ARAP2: variants seen among roughly 807,000 people sequenced by gnomAD.
The protein encoded by ARAP2 is ArfGAP with RhoGAP domain, ankyrin repeat and PH domain 2.
Under a neutral mutation model 194.5 loss-of-function variants are expected in ARAP2, and 148 were observed. That is an observed-to-expected ratio of 0.76 (90% CI 0.67 to 0.87). ARAP2 has a LOEUF of 0.87. Among genes scored for constraint, ARAP2 ranks in the 40% least tolerant of loss-of-function variants. The pLI is 0.00. For missense variants in ARAP2, 2,128 were observed against 1,989.7 expected (o/e 1.07, Z -1.32); for synonymous variants, 695 against 683.5 (o/e 1.02, Z -0.26).
intron 6 of ARAP2, among the ~76,000 whole-genome samples, chr4:36,205,601 G>GA (rs34235282): frequency 1.2e-4 from 18 of 148,520 alleles, no homozygotes; most frequent in African/African-American, 3.0e-4. Context: ...ATGGTGTCCT[G>GA]AAAAAAAAAA....
chr4:36,083,317 CA>C (rs1730044715), intron 29 of ARAP2, 50 bp downstream of exon 29: 1 of 1,292,696 alleles, frequency 7.7e-7, no homozygotes. Flanking sequence ...CTTAAATAGA[CA>C]TATTTTTCCC....
At chr4:36,111,167 T>G (rs1448109824) in intron 26 of ARAP2, among the ~76,000 whole-genome samples, 3 of 151,952 alleles carry the variant, frequency 2.0e-5, no homozygotes, top group African/African-American at 7.3e-5. Flanking sequence ...TTCATTTTTT[T>G]ACTGCATTAC....
chr4:36,160,140 C>G (rs761551419), intron 13 of ARAP2: 845 of 1,006,260 alleles, frequency 8.4e-4, no homozygotes, highest in Admixed American at 1.3e-3. Context: ...GCCTCTACAT[C>G]TCTTCTCATC....
At chr4:36,054,599 C>T (rs574656206) in intron 2 of ARAP2, among the ~76,000 whole-genome samples, 5 of 152,078 alleles carry the variant, frequency 3.3e-5, no homozygotes, top group African/African-American at 1.2e-4. Flanking sequence ...AAAATGATGT[C>T]TATATAGAAC....
At chr4:36,168,182 T>C (rs560299167) in intron 9 of ARAP2, among the ~76,000 whole-genome samples, 1 of 152,254 alleles carries the variant, frequency 6.6e-6, no homozygotes, top group African/African-American at 2.4e-5. Context: ...TGTAGTTTCC[T>C]TCAATCAAAT....
intron 28 of ARAP2, among the ~76,000 whole-genome samples, chr4:36,089,310 G>T (rs1712876258): frequency 1.3e-5 from 2 of 152,030 alleles, no homozygotes; most frequent in African/African-American, 4.8e-5. Flanking sequence ...ATTCATTTTT[G>T]TTGCTGAGTA....
At chr4:36,078,531 A>G (rs182378145) in intron 31 of ARAP2, among the ~76,000 whole-genome samples, 1 of 152,342 alleles carries the variant, frequency 6.6e-6, no homozygotes, top group Non-Finnish European at 1.5e-5. Flanking sequence ...GTTTCCCTAC[A>G]GAGATGAACC....
At chr4:36,076,843 T>A (rs962417082) in intron 31 of ARAP2, among the ~76,000 whole-genome samples, 1 of 152,162 alleles carries the variant, frequency 6.6e-6, no homozygotes, top group African/African-American at 2.4e-5. Context: ...GTGGCCAAAA[T>A]AGAACTCTCC....
chr4:36,135,213 A>T (rs1212342921), intron 19 of ARAP2, among the ~76,000 whole-genome samples: 1 of 151,814 alleles, frequency 6.6e-6, no homozygotes, highest in South Asian at 2.1e-4. Context: ...AGAGGCATGA[A>T]TAAACCGCAT....
Position 36,193,663 on chromosome 4 carries a change from A to T in ARAP2, c.1488-16T>A. The T allele has an allele frequency of 6.3e-7, 1 of 1,587,464 alleles. No homozygotes were observed. Among genetic ancestry groups the T allele is most frequent in the South Asian group, 1.2e-5 (1 of 86,096 alleles). The stretch of plus-strand genomic sequence containing the variant: ...CATGCGTTTTCTGCAAAACATATGA[A>T]ATTGTTATTTTACATTCAAGTAACA... On this transcript the variant is annotated splice_polypyrimidine_tract_variant and intron_variant, in intron 6 of 32. Transcript: ENST00000303965.
At chr4:36,070,430 G>C (rs1726573655) in intron 32 of ARAP2, among the ~76,000 whole-genome samples, 1 of 152,214 alleles carries the variant, frequency 6.6e-6, no homozygotes. Flanking sequence ...GAGATGGCTT[G>C]CTATAGGCAA....
rs146738920 is a variant in ARAP2 at position 36,192,240 on chromosome 4, C to G, written c.1557+1338G>C. Among the ~76,000 whole-genome samples the G allele has an allele frequency of 3.3e-4, 45 of 137,624 alleles. 1 individual carries two copies. The highest frequency in any genetic ancestry group is 1.2e-3 in the Admixed American group (15 of 12,758). The allele number at this position is 137,624 out of a possible 152,430, so 90.3% of individuals were successfully genotyped here. On this transcript the variant is annotated intron_variant, in intron 7 of 32. Coordinates refer to ENST00000303965, the MANE Select transcript of ARAP2 (RefSeq NM_015230.4). Reference sequence around the variant, plus strand: ...TAGACAATAAATGGATGAAGTGTCACAGAAAATAACAACTTAAATTTTTTT... The same window carrying G: ...TAGACAATAAATGGATGAAGTGTCAGAGAAAATAACAACTTAAATTTTTTT...
At chr4:36,212,835 CAAGT>C (rs1299608608) in intron 4 of ARAP2, among the ~76,000 whole-genome samples, 2 of 151,708 alleles carry the variant, frequency 1.3e-5, no homozygotes, top group African/African-American at 4.8e-5. Context: ...CAAAAGAGCA[CAAGT>C]AATAGAAAAG....
intron 5 of ARAP2, among the ~76,000 whole-genome samples, chr4:36,039,338 G>A (rs552217630): frequency 4.6e-5 from 7 of 152,292 alleles, no homozygotes; most frequent in South Asian, 2.1e-4. Context: ...CTGCATAGCC[G>A]TTACTAGTCA....
chr4:36,189,096 G>A (rs1345938319), intron 7 of ARAP2, among the ~76,000 whole-genome samples: 3 of 152,126 alleles, frequency 2.0e-5, no homozygotes, highest in Non-Finnish European at 4.4e-5. Context: ...CCAAAACTGA[G>A]TATGGCAAAT....
intron 5 of ARAP2, among the ~76,000 whole-genome samples, chr4:36,045,399 T>C (rs1013666873): frequency 2.6e-5 from 4 of 152,164 alleles, no homozygotes; most frequent in African/African-American, 9.7e-5. Flanking sequence ...ACATCATGTA[T>C]AATCTAGAGG....
At chr4:36,071,195 G>C (rs1036919698) in intron 32 of ARAP2, among the ~76,000 whole-genome samples, 1 of 152,096 alleles carries the variant, frequency 6.6e-6, no homozygotes, top group Non-Finnish European at 1.5e-5. Context: ...ATATGTTAAA[G>C]ATATGCTAGT....
At chr4:36,070,320 G>A (rs1195211237) in intron 32 of ARAP2, among the ~76,000 whole-genome samples, 1 of 152,114 alleles carries the variant, frequency 6.6e-6, no homozygotes, top group Non-Finnish European at 1.5e-5. Flanking sequence ...ATAGACAATG[G>A]GGAAAGAAAG....
At chr4:36,220,801 G>C (rs908562846) in intron 2 of ARAP2, among the ~76,000 whole-genome samples, 9 of 152,220 alleles carry the variant, frequency 5.9e-5, no homozygotes, top group Non-Finnish European at 1.2e-4. Context: ...TGTATAATGT[G>C]TGTTTTAAGC....
Sources: gnomAD v4.1 joint callset for allele counts (sites outside exome capture counted in the v4.1 genomes callset) on GRCh38, gnomAD v4.1.1 for gene constraint, MANE v1.5 for transcripts, NCBI Gene and HGNC (gene_info 2026-07-23, HGNC 2026-07-21) for gene names.